The following TMEM273 variants were observed in gnomAD, a reference collection of about 807,000 sequenced individuals.
TMEM273 encodes chromosome 10 open reading frame 128.
A neutral mutation model predicts 17.9 loss-of-function variants in TMEM273; 19 were observed. That is an observed-to-expected ratio of 1.06 (90% CI 0.74 to 1.55). The LOEUF (loss-of-function observed/expected upper bound fraction) is 1.55, where lower values mean the gene tolerates loss of function less well. Among genes scored for constraint, TMEM273 ranks in the 40% most tolerant of loss-of-function variants. TMEM273 has a pLI of 0.00. For synonymous variants in TMEM273, 66 were observed against 62.0 expected, an observed-to-expected ratio of 1.07 and a Z score of -0.31; for missense variants, 194 against 155.6, an observed-to-expected ratio of 1.25 and a Z score of -1.31.
At chr10:49,183,101 C>G (rs888917401) in intron 1 of TMEM273, among the ~76,000 whole-genome samples, 1 of 152,262 alleles carries the variant, frequency 6.6e-6, no homozygotes, top group African/African-American at 2.4e-5. Flanking sequence ...TGGTCACCCC[C>G]GCCATACCTG....
chr10:49,177,014 A>AG lies in TMEM273; in HGVS notation c.44-9053dup, dbSNP rs1014426008. Among the ~76,000 whole-genome samples the AG allele has an allele frequency of 4.6e-5, 7 of 152,224 alleles. No individual in the cohort carries two copies. The East Asian group carries it at 7.8e-4, about 17-fold the overall frequency. ...TCCATTCTTCAGGGGCCCCTTCCAG[A>AG]GGGGGAGGTGCAGCCCTGCTGCCTG... On this transcript the variant is annotated intron_variant, in intron 1 of 6. Coordinates refer to ENST00000374153, the MANE Select transcript of TMEM273 (RefSeq NM_001288740.3).
intron 1 of TMEM273, among the ~76,000 whole-genome samples, chr10:49,172,709 T>C (rs944632897): frequency 6.6e-6 from 1 of 152,198 alleles, no homozygotes; most frequent in Non-Finnish European, 1.5e-5. Flanking sequence ...AATGGCCTCA[T>C]TGCACACAGA....
chr10:49,188,173 A>T, intron 1 of TMEM273, 121 bp downstream of exon 1: 1 of 1,117,556 alleles, frequency 8.9e-7, no homozygotes, highest in African/African-American at 1.6e-5. Context: ...AGTGAGAAAC[A>T]TCATCTGTGT....
chr10:49,174,330 C>T (rs551233824), intron 1 of TMEM273, among the ~76,000 whole-genome samples: 4 of 152,196 alleles, frequency 2.6e-5, no homozygotes, highest in Non-Finnish European at 5.9e-5. Context: ...AAATGAAGTG[C>T]ACCTACCCCA....
intron 5 of TMEM273, among the ~76,000 whole-genome samples, chr10:49,164,565 C>T (rs1439948233): frequency 6.6e-6 from 1 of 152,208 alleles, no homozygotes; most frequent in Non-Finnish European, 1.5e-5. Flanking sequence ...ACACAAGCCC[C>T]TCTGACTGTA....
rs76233686 is a variant in TMEM273 at position 49,168,045 on chromosome 10, C to A, written c.44-83G>T. On this transcript the variant is annotated intron_variant, in intron 1 of 6. Coordinates refer to ENST00000374153, the MANE Select transcript of TMEM273 (RefSeq NM_001288740.3). The stretch of plus-strand genomic sequence containing the variant: ...ACCCAGTCTCAGAGGCCTGGGAAAG[C>A]CTACCCCATGTACCCACCAGGAGCA... 4,873 of 1,557,174 alleles carry A rather than the reference C, an allele frequency of 3.1e-3. 96 individuals are homozygous for A. The African/African-American group carries it at 0.045, about 14-fold the overall frequency.
At chr10:49,171,977 C>T (rs1168713547) in intron 1 of TMEM273, among the ~76,000 whole-genome samples, 2 of 152,284 alleles carry the variant, frequency 1.3e-5, no homozygotes, top group African/African-American at 4.8e-5. Flanking sequence ...AGTTGTGGGC[C>T]AGTAGGCGTG....
At chr10:49,175,414 G>A (rs1846888410) in intron 1 of TMEM273, among the ~76,000 whole-genome samples, 1 of 152,210 alleles carries the variant, frequency 6.6e-6, no homozygotes, top group African/African-American at 2.4e-5. Context: ...GGAGGGCCAT[G>A]CAGAGGCCAC....
chr10:49,165,405 A>T (rs1451839309), intron 4 of TMEM273, 122 bp from the exon 5 acceptor site: 2 of 1,520,648 alleles, frequency 1.3e-6, no homozygotes, highest in Non-Finnish European at 1.8e-6. Flanking sequence ...AGGGAAGCCC[A>T]GAAACCTGGG....
At chr10:49,165,837 A>G (rs2132141362) in intron 3 of TMEM273, 41 bp from the exon 4 acceptor site, 2 of 1,613,218 alleles carry the variant, frequency 1.2e-6, no homozygotes, top group East Asian at 2.2e-5. Context: ...GGGTCGTGTG[A>G]CAAGAGGTGC....
chr10:49,178,130 A>G (rs1020918292), intron 1 of TMEM273: 42 of 455,200 alleles, frequency 9.2e-5, no homozygotes, highest in African/African-American at 7.4e-4. Context: ...CCTACAGAAT[A>G]AGGCCCAATG....
At chr10:49,178,085 C>T in intron 1 of TMEM273, 1 of 421,092 alleles carries the variant, frequency 2.4e-6, no homozygotes, top group East Asian at 7.2e-5. Flanking sequence ...TGGGGCACTG[C>T]AGCCAGGCAC....
intron 6 of TMEM273, chr10:49,161,122 C>T (rs74988928): frequency 0.025 from 4,060 of 162,016 alleles, 170 homozygotes; most frequent in African/African-American, 0.092. Flanking sequence ...GGTCCGAGAT[C>T]CTGTCCCCTT....
chr10:49,181,802 T>C lies in TMEM273; in HGVS notation c.43+6492A>G, dbSNP rs956126107. ...TTTGGTGCAAACTTCTGAGACATGC[T>C]ATCAAAAGCACAGTCCACGAAAAAA... On this transcript the variant is annotated intron_variant, in intron 1 of 6. Transcript: ENST00000374153. Among the ~76,000 whole-genome samples the C allele has an allele frequency of 2.4e-4, 36 of 150,910 alleles. No individual in the cohort carries two copies. In the Admixed American group the frequency reaches 2.4e-3, roughly 10 times the overall value.
chr10:49,161,847 C>A (rs780453211), intron 5 of TMEM273, among the ~76,000 whole-genome samples: 3 of 152,096 alleles, frequency 2.0e-5, no homozygotes, highest in African/African-American at 7.2e-5. Context: ...GTTACGATAC[C>A]TGCCAAGAAC....
rs1180478705 is a variant in TMEM273 at position 49,155,271 on chromosome 10, G to A, written c.*621C>T. On this transcript the variant is annotated 3_prime_UTR_variant, in exon 7 of 7. Coordinates refer to ENST00000374153, the MANE Select transcript of TMEM273 (RefSeq NM_001288740.3). Reference sequence around the variant, plus strand: ...TCCTTTGAAGGTCTGAGAGCAGCAGGCCCATTCCATGAACACCAAAGCCCT... The same window carrying A: ...TCCTTTGAAGGTCTGAGAGCAGCAGACCCATTCCATGAACACCAAAGCCCT... 6.5e-6 allele frequency: 1 copy of A among 153,154 alleles called. No individual in the cohort carries two copies. The highest frequency in any genetic ancestry group is 1.5e-5 in the Non-Finnish European group (1 of 68,766). The allele number at this position is 153,154 out of a possible 1,614,324, so 9.5% of individuals were successfully genotyped here. A position where few individuals can be genotyped will look rare whatever the true frequency, so the allele number is the denominator to read the frequency against.
intron 1 of TMEM273, among the ~76,000 whole-genome samples, chr10:49,180,173 G>T (rs188566750): frequency 1.3e-5 from 2 of 152,280 alleles, no homozygotes; most frequent in African/African-American, 2.4e-5. Flanking sequence ...GAGTCAGGAC[G>T]TCCTACACTG....
intron 6 of TMEM273, among the ~76,000 whole-genome samples, chr10:49,160,129 G>A (rs1845750859): frequency 6.6e-6 from 1 of 152,208 alleles, no homozygotes. Flanking sequence ...GCTTGAAGCA[G>A]GATCATGAAT....
At chr10:49,175,944 C>T (rs1473816500) in intron 1 of TMEM273, among the ~76,000 whole-genome samples, 4 of 152,184 alleles carry the variant, frequency 2.6e-5, no homozygotes, top group Non-Finnish European at 5.9e-5. Context: ...AAGGACTTGC[C>T]CCACCTTTGA....
Sources: gnomAD v4.1 joint callset for allele counts (sites outside exome capture counted in the v4.1 genomes callset) on GRCh38, gnomAD v4.1.1 for gene constraint, MANE v1.5 for transcripts, NCBI Gene and HGNC (gene_info 2026-07-23, HGNC 2026-07-21) for gene names.